Variants in SYNE2 observed in about 807,000 individuals in gnomAD.
SYNE2 encodes the protein nesprin-2.
In SYNE2, 431 loss-of-function variants were observed where a neutral mutation model predicts 856.3. The ratio of observed to expected loss-of-function variants is 0.50; its 90% confidence interval spans 0.47 to 0.55. The LOEUF (loss-of-function observed/expected upper bound fraction) is 0.55, where lower values mean the gene tolerates loss of function less well. Ranked by LOEUF, SYNE2 falls within the 20% of genes least tolerant of loss-of-function variation. SYNE2 has a pLI of 0.00. For missense variants in SYNE2, 8,129 were observed against 8,023.2 expected, an observed-to-expected ratio of 1.01 and a Z score of -0.50; for synonymous variants, 2,923 against 2,872.3, an observed-to-expected ratio of 1.02 and a Z score of -0.56.
At chr14:64,057,580 A>C (rs2153582260) in intron 49 of SYNE2, among the ~76,000 whole-genome samples, 1 of 152,320 alleles carries the variant, frequency 6.6e-6, no homozygotes, top group East Asian at 1.9e-4. Flanking sequence ...TACTTCAATA[A>C]ACATGGGAGT....
chr14:63,899,237 CGT>C (rs1345662380), intron 1 of SYNE2, among the ~76,000 whole-genome samples: 2 of 151,680 alleles, frequency 1.3e-5, no homozygotes, highest in Admixed American at 6.6e-5. Flanking sequence ...TGTCTTGCTC[CGT>C]GTGTGTAAGT....
intron 6 of SYNE2, among the ~76,000 whole-genome samples, chr14:63,946,033 C>T (rs1288151660): frequency 6.6e-6 from 1 of 152,072 alleles, no homozygotes; most frequent in Non-Finnish European, 1.5e-5. Flanking sequence ...TTATACTCAC[C>T]AGAGTTTCTT....
At chr14:63,809,066 C>T (rs1331651719) in intron 1 of SYNE2, among the ~76,000 whole-genome samples, 3 of 152,034 alleles carry the variant, frequency 2.0e-5, no homozygotes, top group South Asian at 4.1e-4. Flanking sequence ...GCCCGGAGGT[C>T]ACACTGAACT....
At chr14:64,142,214 G>A (rs1424114701) in intron 82 of SYNE2, 126 bp downstream of exon 82, 1 of 1,111,382 alleles carries the variant, frequency 9.0e-7, no homozygotes, top group Non-Finnish European at 1.3e-6. Context: ...AGGAAACTGG[G>A]GTGGTGGATG....
chr14:64,224,904 G>A (rs1451209614), intron 114 of SYNE2, 95 bp from the exon 115 acceptor site: 12 of 1,159,090 alleles, frequency 1.0e-5, no homozygotes, highest in Non-Finnish European at 1.5e-5. Context: ...CAACATAAAG[G>A]TGGTATATAA....
intron 2 of SYNE2, among the ~76,000 whole-genome samples, chr14:63,918,698 C>T (rs545649784): frequency 6.6e-6 from 1 of 152,242 alleles, no homozygotes; most frequent in African/African-American, 2.4e-5. Context: ...ATTCACTGGT[C>T]GGGCACTGGA....
chr14:63,794,994 C>T (rs942947462), intron 1 of SYNE2, among the ~76,000 whole-genome samples: 2 of 152,200 alleles, frequency 1.3e-5, no homozygotes, highest in African/African-American at 4.8e-5. Context: ...CTTACTCTGC[C>T]TCCCAGGCTC....
chr14:64,084,408 T>C (rs1183172116), intron 57 of SYNE2: 1 of 152,440 alleles, frequency 6.6e-6, no homozygotes, highest in African/African-American at 2.4e-5. Context: ...GTCAATCCCC[T>C]TTCACCTGTC....
At chr14:63,966,757 G>T (rs568104948) in intron 10 of SYNE2, among the ~76,000 whole-genome samples, 4 of 152,006 alleles carry the variant, frequency 2.6e-5, no homozygotes, top group Admixed American at 2.6e-4. Flanking sequence ...ATGGGGTTTT[G>T]CCATGTTGCT....
At chr14:63,862,338 G>A (rs1893962160) in intron 1 of SYNE2, among the ~76,000 whole-genome samples, 1 of 152,216 alleles carries the variant, frequency 6.6e-6, no homozygotes. Flanking sequence ...TGGGAGTGCA[G>A]CGTGGTGTGA....
chr14:64,211,300 C>T (rs771687425), intron 103 of SYNE2, among the ~76,000 whole-genome samples: 1 of 152,188 alleles, frequency 6.6e-6, no homozygotes, highest in African/African-American at 2.4e-5. Flanking sequence ...TATCTCCTGC[C>T]GATCTGGCTG....
chr14:64,222,310 G>A (rs954467688), intron 112 of SYNE2, among the ~76,000 whole-genome samples: 6 of 152,248 alleles, frequency 3.9e-5, no homozygotes, highest in African/African-American at 1.4e-4. Context: ...AGAACTTTCT[G>A]AAGTGATAGA....
intron 1 of SYNE2, among the ~76,000 whole-genome samples, chr14:63,785,590 G>C (rs976566476): frequency 2.6e-5 from 4 of 152,126 alleles, no homozygotes; most frequent in African/African-American, 9.7e-5. Flanking sequence ...CTGCTTCTAG[G>C]GATGAATTGC....
intron 1 of SYNE2, among the ~76,000 whole-genome samples, chr14:63,831,199 G>A (rs1226722819): frequency 6.6e-6 from 1 of 151,978 alleles, no homozygotes; most frequent in Non-Finnish European, 1.5e-5. Context: ...TAGAATCTTT[G>A]AGTGTTTTTT....
chr14:63,957,771 C>T (rs1345388095), intron 8 of SYNE2, among the ~76,000 whole-genome samples: 2 of 152,020 alleles, frequency 1.3e-5, no homozygotes, highest in Admixed American at 6.6e-5. Flanking sequence ...CTCACCTGGC[C>T]GAGCTAGTGC....
chr14:63,911,789 C>T (rs1307841686), intron 2 of SYNE2, among the ~76,000 whole-genome samples: 1 of 152,170 alleles, frequency 6.6e-6, no homozygotes, highest in Non-Finnish European at 1.5e-5. Flanking sequence ...ATATGGAGGG[C>T]ATCTTTAAGT....
At chr14:63,877,600 T>C (rs1287682707) in intron 1 of SYNE2, among the ~76,000 whole-genome samples, 4 of 152,222 alleles carry the variant, frequency 2.6e-5, no homozygotes, top group Non-Finnish European at 5.9e-5. Context: ...TCTGAAGATC[T>C]ACACTGTTGT....
At chr14:64,190,010 G>A in intron 98 of SYNE2, 61 bp from the exon 99 acceptor site, 2 of 1,584,598 alleles carry the variant, frequency 1.3e-6, no homozygotes, top group East Asian at 2.2e-5. Context: ...TATGTCTGTG[G>A]CTGGAGAAGA....
chr14:64,092,631 T>C (rs2097634398), intron 60 of SYNE2, among the ~76,000 whole-genome samples: 1 of 152,250 alleles, frequency 6.6e-6, no homozygotes, highest in Non-Finnish European at 1.5e-5. Context: ...TGCTTCATTA[T>C]GTAGCATACC....
Sources: gnomAD v4.1 joint callset for allele counts (sites outside exome capture counted in the v4.1 genomes callset) on GRCh38, gnomAD v4.1.1 for gene constraint, MANE v1.5 for transcripts, NCBI Gene and HGNC (gene_info 2026-07-23, HGNC 2026-07-21) for gene names.